GALP: variants seen among roughly 807,000 people sequenced by gnomAD.
The protein encoded by GALP is galanin-like peptide.
GALP carries 12 observed loss-of-function variants against 15.2 expected under a neutral mutation model. That is an observed-to-expected ratio of 0.79 (90% CI 0.51 to 1.28). GALP has a LOEUF of 1.28. Ranked by LOEUF, GALP falls within the 50% of genes most tolerant of loss-of-function variation. GALP has a pLI of 0.00. For synonymous variants in GALP, 58 were observed against 55.1 expected (o/e 1.05, Z -0.23); for missense variants, 161 against 145.6 (o/e 1.11, Z -0.55).
chr19:56,182,688 A>G (rs1163416568), intron 4 of GALP, among the ~76,000 whole-genome samples: 1 of 152,124 alleles, frequency 6.6e-6, no homozygotes, highest in Non-Finnish European at 1.5e-5. Flanking sequence ...GCCTCCGAGT[A>G]GCTGGGATTA....
At chr19:56,180,355 C>T (rs2032542842) in intron 2 of GALP, among the ~76,000 whole-genome samples, 2 of 152,190 alleles carry the variant, frequency 1.3e-5, no homozygotes, top group Admixed American at 1.3e-4. Context: ...CCCCCAGCCC[C>T]CAATAACCAC....
Position 56,177,210 on chromosome 19 carries a change from A to G in GALP, c.87+15A>G. On this transcript the variant is annotated intron_variant, in intron 2 of 5. Coordinates refer to ENST00000357330, the MANE Select transcript of GALP (RefSeq NM_033106.4). ...CTGCCCACCGGGTAACGCCTCCCTA[A>G]GTTCCTCGGAAACAACAGTGTCCCC... 1 of 1,604,292 alleles carries G rather than the reference A, an allele frequency of 6.2e-7. No individual in the cohort carries two copies. The highest frequency in any genetic ancestry group is 1.7e-5 in the Admixed American group (1 of 59,876).
chr19:56,178,840 C>A (rs1224656574), intron 2 of GALP, among the ~76,000 whole-genome samples: 1 of 152,204 alleles, frequency 6.6e-6, no homozygotes, highest in African/African-American at 2.4e-5. Flanking sequence ...CACAGTGGAA[C>A]ACTCTGGCTT....
chr19:56,180,626 T>A lies in GALP; in HGVS notation c.128T>A (p.Leu43Gln). 6.2e-7 allele frequency: 1 copy of A among 1,613,876 alleles called. No homozygotes were observed. The highest frequency in any genetic ancestry group is 8.5e-7 in the Non-Finnish European group (1 of 1,179,846). Residue 43 changes from leucine (L) to glutamine (Q), a missense_variant, in exon 3 of 6, where the codon CTG becomes CAG. Coordinates refer to ENST00000357330, the MANE Select transcript of GALP (RefSeq NM_033106.4). ...ACCCTCAATAGTGCTGGCTACCTTC[T>A]GGGTCCCGGTGAGTGAGGCTGCGCT... ...GWTLNSAGYL[L>Q]GPVLHLPQMG...
chr19:56,180,731 T>A, intron 3 of GALP, 97 bp downstream of exon 3: 1 of 910,376 alleles, frequency 1.1e-6, no homozygotes, highest in Non-Finnish European at 1.8e-6. Flanking sequence ...TCACCCACAT[T>A]CACTGAGGCC....
intron 5 of GALP, among the ~76,000 whole-genome samples, chr19:56,184,674 G>A (rs1049884452): frequency 2.6e-5 from 4 of 151,410 alleles, no homozygotes; most frequent in Non-Finnish European, 4.4e-5. Context: ...TAGTAGAGAC[G>A]GGGTTTCACC....
At chr19:56,183,743 A>T (rs183496038) in intron 5 of GALP, among the ~76,000 whole-genome samples, 8 of 150,762 alleles carry the variant, frequency 5.3e-5, no homozygotes, top group African/African-American at 2.0e-4. Flanking sequence ...GATTACAGGC[A>T]CGCGCCACCA....
In GALP at chr19:56,177,185, C is replaced by T; in HGVS notation, c.77C>T (p.Pro26Leu). 6.2e-7 allele frequency: 1 copy of T among 1,613,458 alleles called. No homozygotes were observed. Among genetic ancestry groups the T allele is most frequent in the Non-Finnish European group, 8.5e-7 (1 of 1,179,724 alleles). The change falls in exon 2 of 6, where the codon CCT becomes CTT. Residue 26 changes from proline to leucine, a missense_variant. Pro to Leu is a moderately conservative substitution (Grantham distance 98). Transcript: ENST00000357330. ...LSLAETPASAPAHRGRGGWTL... is the reference protein window; with the variant it reads ...LSLAETPASALAHRGRGGWTL... ...CTGGCAGAGACTCCAGCATCCGCAC[C>T]TGCCCACCGGGTAACGCCTCCCTAA...
chr19:56,182,967 C>A (rs1373957111), intron 4 of GALP, among the ~76,000 whole-genome samples, 168 bp from the exon 5 acceptor site: 1 of 152,140 alleles, frequency 6.6e-6, no homozygotes, highest in African/African-American at 2.4e-5. Context: ...AGGTACTAAG[C>A]CGAGTACCCA....
intron 5 of GALP, among the ~76,000 whole-genome samples, chr19:56,184,484 CT>C (rs11414322): frequency 4.1e-4 from 48 of 117,632 alleles, no homozygotes; most frequent in Non-Finnish European, 5.5e-4. Flanking sequence ...TTTTCTTTTT[CT>C]TTTTTTTTTT....
chr19:56,176,726 G>C (rs1417658072), intron 1 of GALP, among the ~76,000 whole-genome samples: 1 of 151,188 alleles, frequency 6.6e-6, no homozygotes, highest in Non-Finnish European at 1.5e-5. Flanking sequence ...GAGAGTGATG[G>C]GGGGCTTGAA....
At chr19:56,177,949 T>G (rs2122156794) in intron 2 of GALP, among the ~76,000 whole-genome samples, 1 of 152,236 alleles carries the variant, frequency 6.6e-6, no homozygotes, top group South Asian at 2.1e-4. Context: ...AAACTAGATC[T>G]CTGGTACAGC....
intron 2 of GALP, among the ~76,000 whole-genome samples, chr19:56,178,165 CAAA>C (rs71184328): frequency 0.4 from 53,582 of 135,580 alleles, 10,326 homozygotes; most frequent in African/African-American, 0.54. Context: ...TTTTTTCTAA[CAAA>C]AAAAAAAAAA....
chr19:56,183,272 A>C, intron 5 of GALP, 60 bp downstream of exon 5: 1 of 1,364,256 alleles, frequency 7.3e-7, no homozygotes, highest in South Asian at 1.2e-5. Flanking sequence ...AGGAAGTGGC[A>C]GGCAGAGCTT....
rs189898049 is a variant in GALP at position 56,183,745 on chromosome 19, G to C, written c.295+533G>C. Among the ~76,000 whole-genome samples the C allele has an allele frequency of 9.5e-3, 1,434 of 150,534 alleles. 18 individuals are homozygous for C. The highest frequency in any genetic ancestry group is 0.019 in the South Asian group (90 of 4,724). ...CCCGAGTAGCTGGGATTACAGGCACGCGCCACCATGTCCGGCTAATTTTTG... is the reference window on the plus strand; with the variant it reads ...CCCGAGTAGCTGGGATTACAGGCACCCGCCACCATGTCCGGCTAATTTTTG... On this transcript the variant is annotated intron_variant, in intron 5 of 5. Coordinates refer to ENST00000357330, the MANE Select transcript of GALP (RefSeq NM_033106.4).
rs71184328 is a variant in GALP at position 56,178,165 on chromosome 19, CA to C, written c.87+984del. On this transcript the variant is annotated intron_variant, in intron 2 of 5. Transcript: ENST00000357330. The stretch of plus-strand genomic sequence containing the variant: ...CATTTAAAATGCAGTTTTTTTCTAA[CA>C]AAAAAAAAAAAAAGAGGCCAGTCCC... 4.1e-3 allele frequency among the ~76,000 whole-genome samples: 555 copies of C among 135,598 alleles called. 2 individuals carry two copies. The highest frequency in any genetic ancestry group is 0.032 in the South Asian group (137 of 4,292). The allele number at this position is 135,598 out of a possible 152,430, so 89.0% of individuals were successfully genotyped here.
In GALP at chr19:56,178,521, C is replaced by CAAAAAAAAAAA. The variant is rs80223966; in HGVS notation, c.87+1337_87+1347dup. On this transcript the variant is annotated intron_variant, in intron 2 of 5. Transcript: ENST00000357330. ...AGAAAAGAAATGCTAACAACAACAA[C>CAAAAAAAAAAA]AAAAAAAAAAAAAAAAAAAAAGAGA... Among the ~76,000 whole-genome samples, 45 of 85,758 alleles carry CAAAAAAAAAAA rather than the reference C, an allele frequency of 5.2e-4. 1 individual carries two copies. Among genetic ancestry groups the CAAAAAAAAAAA allele is most frequent in the South Asian group, 2.0e-3 (4 of 2,040 alleles). 56.3% of individuals were successfully genotyped at this position (85,758 alleles called of 152,430 possible).
chr19:56,179,341 T>G (rs2032522291), intron 2 of GALP, among the ~76,000 whole-genome samples: 1 of 147,658 alleles, frequency 6.8e-6, no homozygotes, highest in African/African-American at 2.5e-5. Flanking sequence ...GGAATTTCGC[T>G]CTGTGGCCCA....
At chr19:56,183,745 G>GGGCC (rs1568579994) in intron 5 of GALP, among the ~76,000 whole-genome samples, 3 of 150,500 alleles carry the variant, frequency 2.0e-5, no homozygotes, top group Non-Finnish European at 4.4e-5. Context: ...TTACAGGCAC[G>GGGCC]CGCCACCATG....
Sources: gnomAD v4.1 joint callset for allele counts (sites outside exome capture counted in the v4.1 genomes callset) on GRCh38, gnomAD v4.1.1 for gene constraint, MANE v1.5 for transcripts, NCBI Gene and HGNC (gene_info 2026-07-23, HGNC 2026-07-21) for gene names.